ZNG1E: variants seen among roughly 807,000 people sequenced by gnomAD.
ZNG1E encodes the protein Zn regulated GTPase metalloprotein activator 1E, also known as zinc-regulated GTPase metalloprotein activator 1E.
chr9:65,670,854 TA>T, the ZNG1E span, among the ~76,000 whole-genome samples: 1 of 127,846 alleles, frequency 7.8e-6, no homozygotes, highest in Non-Finnish European at 1.6e-5. Flanking sequence ...TTTAATTGAG[TA>T]AAGAATGATC....
the ZNG1E span, among the ~76,000 whole-genome samples, chr9:65,656,773 C>G: frequency 6.6e-6 from 1 of 152,280 alleles, no homozygotes; most frequent in Non-Finnish European, 1.5e-5. Flanking sequence ...GTCTTTTACC[C>G]CATTCTAATT....
At chr9:65,658,501 G>A in the ZNG1E span, among the ~76,000 whole-genome samples, 2,125 of 147,202 alleles carry the variant, frequency 0.014, no homozygotes, top group South Asian at 0.027. Context: ...AGAGATAAGA[G>A]AAGAAAGGAA....
At chr9:65,683,999 A>G in the ZNG1E span, among the ~76,000 whole-genome samples, 2 of 152,288 alleles carry the variant, frequency 1.3e-5, no homozygotes, top group South Asian at 4.1e-4. Flanking sequence ...CAAAAACTTG[A>G]CACTTTTGAG....
the ZNG1E span, among the ~76,000 whole-genome samples, chr9:65,686,545 A>C: frequency 1.3e-5 from 2 of 152,030 alleles, no homozygotes; most frequent in South Asian, 4.1e-4. Context: ...CTGAGGCAGG[A>C]GAATGGCTTG....
chr9:65,675,152 C>T, the ZNG1E span, among the ~76,000 whole-genome samples: 1 of 151,914 alleles, frequency 6.6e-6, no homozygotes, highest in Non-Finnish European at 1.5e-5. Flanking sequence ...TCTTATGGGG[C>T]AGGCTGTGGA....
At chr9:65,665,074 C>T in the ZNG1E span, among the ~76,000 whole-genome samples, 80 of 152,198 alleles carry the variant, frequency 5.3e-4, no homozygotes, top group African/African-American at 1.7e-3. Context: ...AATTTGCAGC[C>T]TGACAATGTG....
At chr9:65,719,160 C>A in the ZNG1E span, among the ~76,000 whole-genome samples, 1 of 132,788 alleles carries the variant, frequency 7.5e-6, no homozygotes, top group South Asian at 2.5e-4. Context: ...TAGGGAAGGC[C>A]GTTGCATGAC....
At chr9:65,722,697 ATTTTTTTTTTTT>A in the ZNG1E span, among the ~76,000 whole-genome samples, 8 of 8,352 alleles carry the variant, frequency 9.6e-4, no homozygotes, top group Admixed American at 5.1e-3. Flanking sequence ...TGCCTAGCTA[ATTTTTTTTTTTT>A]TTTTTTTTTT....
At chr9:65,697,407 T>C in the ZNG1E span, among the ~76,000 whole-genome samples, 25 of 81,282 alleles carry the variant, frequency 3.1e-4, no homozygotes, top group Admixed American at 3.9e-4. Flanking sequence ...CCTGTGATTG[T>C]ATATAAAATA....
chr9:65,677,481 A>G, the ZNG1E span, among the ~76,000 whole-genome samples: 1 of 152,362 alleles, frequency 6.6e-6, no homozygotes, highest in Non-Finnish European at 1.5e-5. Flanking sequence ...TTCTATTTTG[A>G]TGTCCTACAA....
chr9:65,687,862 C>CA, the ZNG1E span, among the ~76,000 whole-genome samples: 1 of 150,208 alleles, frequency 6.7e-6, no homozygotes, highest in Non-Finnish European at 1.5e-5. Context: ...GTAATATAAA[C>CA]AAGGTATATC....
At chr9:65,714,599 AACAG>A in the ZNG1E span, among the ~76,000 whole-genome samples, 2 of 152,056 alleles carry the variant, frequency 1.3e-5, no homozygotes, top group Non-Finnish European at 2.9e-5. Context: ...TTTTCCTTCT[AACAG>A]ACAGGACCTT....
the ZNG1E span, among the ~76,000 whole-genome samples, chr9:65,665,273 G>A: frequency 6.6e-6 from 1 of 152,268 alleles, no homozygotes; most frequent in Admixed American, 6.5e-5. Flanking sequence ...GGTTTCGTGG[G>A]CTGGGCCCAG....
At chr9:65,703,708 A>G in the ZNG1E span, 1 of 967,268 alleles carries the variant, frequency 1.0e-6, no homozygotes. Flanking sequence ...CTCAGTCTCT[A>G]CTTGAGAAAT....
chr9:65,659,599 G>T, the ZNG1E span, among the ~76,000 whole-genome samples: 3 of 151,826 alleles, frequency 2.0e-5, no homozygotes, highest in African/African-American at 2.4e-5. Context: ...CTCTACATTT[G>T]CCAGTCCCTG....
the ZNG1E span, among the ~76,000 whole-genome samples, chr9:65,693,912 A>G: frequency 5.3e-5 from 8 of 150,624 alleles, no homozygotes; most frequent in African/African-American, 2.0e-4. Flanking sequence ...TGCTGAAATT[A>G]TGCTCTAAGG....
chr9:65,721,110 C>G, the ZNG1E span, among the ~76,000 whole-genome samples: 1 of 147,656 alleles, frequency 6.8e-6, no homozygotes, highest in Admixed American at 6.7e-5. Context: ...AAACGCAGTA[C>G]TCACTTACCA....
chr9:65,660,502 T>C, the ZNG1E span, among the ~76,000 whole-genome samples: 1 of 152,254 alleles, frequency 6.6e-6, no homozygotes, highest in Non-Finnish European at 1.5e-5. Context: ...AAATTAAACG[T>C]TGGAAGTGTG....
chr9:65,684,506 C>T, the ZNG1E span, among the ~76,000 whole-genome samples: 12 of 152,140 alleles, frequency 7.9e-5, no homozygotes, highest in Admixed American at 2.6e-4. Context: ...CACTGCACTC[C>T]AGCCCAGGCA....
Sources: allele counts gnomAD v4.1 joint callset (sites outside exome capture counted in the v4.1 genomes callset), GRCh38; gene constraint gnomAD v4.1.1; transcripts MANE v1.5; gene names NCBI Gene and HGNC (gene_info 2026-07-23, HGNC 2026-07-21).